BOD1L1: variants seen among roughly 807,000 people sequenced by gnomAD.
BOD1L1 encodes biorientation of chromosomes in cell division 1 like 1.
Under a neutral mutation model 240.7 loss-of-function variants are expected in BOD1L1, and 86 were observed. That is an observed-to-expected ratio of 0.36 (90% CI 0.30 to 0.43). BOD1L1 has a LOEUF of 0.43. Ranked by LOEUF, BOD1L1 falls within the 20% of genes least tolerant of loss-of-function variation. BOD1L1 has a pLI of 1.00. For synonymous variants in BOD1L1, 1,268 were observed against 1,272.3 expected, an observed-to-expected ratio of 1.00 and a Z score of 0.07; for missense variants, 3,554 against 3,643.5, an observed-to-expected ratio of 0.98 and a Z score of 0.63.
chr4:13,615,347 T>C lies in BOD1L1; in HGVS notation c.524A>G (p.Asp175Gly). 1 of 1,613,140 alleles carries C rather than the reference T, an allele frequency of 6.2e-7. No homozygotes were observed. Among genetic ancestry groups the C allele is most frequent in the Non-Finnish European group, 8.5e-7 (1 of 1,179,494 alleles). ...KEEGSGNTAPDDEKPDTSLIT... is the reference protein window; with the variant it reads ...KEEGSGNTAPGDEKPDTSLIT... ...AAGGGAAGTGTCTGGTTTCTCATCA[T>C]CGGGAGCTGTGTTGCCACTTCCTTC... is the stretch of plus-strand genomic sequence containing the variant. The change falls in exon 3 of 26, where the codon GAT becomes GGT. Residue 175 changes from aspartate (D) to glycine (G), a missense_variant. Asp to Gly is a moderately conservative substitution (Grantham distance 94). Transcript: ENST00000040738.
rs1335347251 is a variant in BOD1L1, at chr4:13,587,730, C to CTTTCTT, written c.8316_8321dup (p.Arg2773_Lys2774dup). On this transcript the variant is annotated inframe_insertion, in exon 16 of 26. Coordinates refer to ENST00000040738, the MANE Select transcript of BOD1L1 (RefSeq NM_148894.3). Reference sequence around the variant, plus strand: ...CATCTTCTGAAGAGAGATAATGCTGCTTTCTTTTTCTTTTAGGCATATGCC... The same window carrying CTTTCTT: ...CATCTTCTGAAGAGAGATAATGCTGCTTTCTTTTTCTTTTTCTTTTAGGCATATGCC... 6.4e-7 allele frequency: 1 copy of CTTTCTT among 1,559,928 alleles called. No homozygotes were observed. The highest frequency in any genetic ancestry group is 1.9e-5 in the Admixed American group (1 of 52,150).
intron 1 of BOD1L1, 84 bp from the exon 2 acceptor site, chr4:13,620,151 C>T: frequency 7.3e-7 from 1 of 1,369,622 alleles, no homozygotes; most frequent in Non-Finnish European, 9.7e-7. Context: ...TACCATGGGA[C>T]AACAAAGTTT....
At chr4:13,605,401 T>C (rs994578755) in intron 9 of BOD1L1, among the ~76,000 whole-genome samples, 1 of 152,176 alleles carries the variant, frequency 6.6e-6, no homozygotes, top group African/African-American at 2.4e-5. Context: ...TATCACAAAA[T>C]AAAGTTAAAT....
intron 25 of BOD1L1, 146 bp downstream of exon 25, chr4:13,576,692 C>T (rs995475829): frequency 1.7e-5 from 18 of 1,035,744 alleles, no homozygotes; most frequent in African/African-American, 1.3e-4. Flanking sequence ...GAACTATGTG[C>T]CCACTGCTAA....
chr4:13,625,213 G>C (rs546386589), intron 1 of BOD1L1: 1 of 152,188 alleles, frequency 6.6e-6, no homozygotes, highest in Non-Finnish European at 1.5e-5. Context: ...TCAAAAAAGA[G>C]GCTAAGAACA....
intron 18 of BOD1L1, 81 bp downstream of exon 18, chr4:13,582,571 G>A (rs1713319463): frequency 1.9e-6 from 2 of 1,065,784 alleles, no homozygotes; most frequent in Non-Finnish European, 2.8e-6. Flanking sequence ...AAGTAAATGA[G>A]CAAAATAGAC....
rs1158567532 is a variant in BOD1L1, at chr4:13,569,405, C to T, written c.*606G>A. On this transcript the variant is annotated 3_prime_UTR_variant, in exon 26 of 26. Transcript: ENST00000040738. ...GAAGAACCTTTCTTTAGCTAAACTA[C>T]TTTACTTGGATACATGCGAGTTTCT... 1 of 152,118 alleles carries T rather than the reference C, an allele frequency of 6.6e-6. No individual in the cohort carries two copies. The highest frequency in any genetic ancestry group is 1.5e-5 in the Non-Finnish European group (1 of 68,026). The allele number at this position is 152,118 out of a possible 1,614,324, so 9.4% of individuals were successfully genotyped here.
chr4:13,614,507 T>C lies in BOD1L1; in HGVS notation c.863A>G (p.Glu288Gly), dbSNP rs1716422366. 2.5e-6 allele frequency: 4 copies of C among 1,613,960 alleles called. No individual in the cohort carries two copies. Among genetic ancestry groups the C allele is most frequent in the East Asian group, 4.5e-5 (2 of 44,894 alleles). Reference sequence around the variant, plus strand: ...CTCTTTTGTGTAATTTTTAATTTCTTCGACTGGACAGGGGAGGTCGCTGAA... The same window carrying C: ...CTCTTTTGTGTAATTTTTAATTTCTCCGACTGGACAGGGGAGGTCGCTGAA... ...EEFSDLPCPV[E>G]EIKNYTKEHN... Residue 288 changes from glutamate to glycine, a missense_variant, in exon 4 of 26, where the codon GAA (glutamate) becomes GGA (glycine). Physicochemically the swap from Glu to Gly is moderately conservative, Grantham distance 98. Coordinates refer to ENST00000040738, the MANE Select transcript of BOD1L1 (RefSeq NM_148894.3).
chr4:13,600,903 A>C lies in BOD1L1; in HGVS notation c.5997T>G (p.Ile1999Met). The change falls in exon 10 of 26, where the codon ATT becomes ATG. Residue 1999 changes from isoleucine to methionine, a missense_variant. Around this residue, in one of 2 missense-constraint regions of BOD1L1, gnomAD observed 3,393 missense variants for 3,427.1 expected, o/e 0.99. Transcript: ENST00000040738. ...AACTACCCCCGACCAGGCCAGTGGAAATAGTGGTATCTTCAACTTTTTCGA... is the reference window on the plus strand; with the variant it reads ...AACTACCCCCGACCAGGCCAGTGGACATAGTGGTATCTTCAACTTTTTCGA... Reference protein sequence around the residue: ...SQLEKVEDTTISTGLVGGSYD... With the variant: ...SQLEKVEDTTMSTGLVGGSYD... The C allele has an allele frequency of 6.2e-7, 1 of 1,613,968 alleles. No homozygotes were observed. Among genetic ancestry groups the C allele is most frequent in the South Asian group, 1.1e-5 (1 of 91,080 alleles).
chr4:13,590,929 A>G (rs931856183), intron 13 of BOD1L1, among the ~76,000 whole-genome samples: 1 of 152,150 alleles, frequency 6.6e-6, no homozygotes, highest in Non-Finnish European at 1.5e-5. Flanking sequence ...CAAATTTGGA[A>G]AGGACATTTA....
Position 13,570,093 on chromosome 4 carries a change from T to C in BOD1L1, c.9074A>G (p.Lys3025Arg), listed in dbSNP as rs866301545. ...GGCCCCAGGAGGGCTGACTTCTCTC[T>C]TGCGCTTGATAGAAGGGGAGAGCTG... ...KTQLSPSIKR[K>R]REVSPPGART... Residue 3025 changes from lysine to arginine, a missense_variant, in exon 26 of 26, where the codon AAG (lysine) becomes AGG (arginine). Around this residue, in one of 2 missense-constraint regions of BOD1L1, gnomAD observed 3,393 missense variants for 3,427.1 expected, o/e 0.99. Transcript: ENST00000040738. 1.9e-6 allele frequency: 3 copies of C among 1,604,418 alleles called. No individual in the cohort carries two copies. Among genetic ancestry groups the C allele is most frequent in the Admixed American group, 3.4e-5 (2 of 58,048 alleles).
In BOD1L1 at chr4:13,604,238, T is replaced by G; in HGVS notation, c.2662A>C (p.Lys888Gln). 1 of 1,613,700 alleles carries G rather than the reference T, an allele frequency of 6.2e-7. No homozygotes were observed. Among genetic ancestry groups the G allele is most frequent in the Non-Finnish European group, 8.5e-7 (1 of 1,179,818 alleles). Residue 888 changes from lysine (K) to glutamine (Q), a missense_variant, in exon 10 of 26, where the codon AAA (lysine) becomes CAA (glutamine). This residue lies in a region of BOD1L1 where 3,393 missense variants were observed against 3,427.1 expected (regional missense o/e 0.99). Transcript: ENST00000040738. ...TCCTTGTGAACAACCTCTTCTGGTTTCAAATTACTATCCATGTTAGTGGAG... is the reference window on the plus strand; with the variant it reads ...TCCTTGTGAACAACCTCTTCTGGTTGCAAATTACTATCCATGTTAGTGGAG... ...MDSTNMDSNLKPEEVVHKEKR... is the reference protein window; with the variant it reads ...MDSTNMDSNLQPEEVVHKEKR...
At position 13,603,704 on chromosome 4, in the gene BOD1L1, A is replaced by G. The variant is rs1431274036; in HGVS notation, c.3196T>C (p.Leu1066=). 6.2e-7 allele frequency: 1 copy of G among 1,613,716 alleles called. No homozygotes were observed. Among genetic ancestry groups the G allele is most frequent in the Non-Finnish European group, 8.5e-7 (1 of 1,179,860 alleles). Residue 1066 remains leucine, a synonymous_variant, in exon 10 of 26, where the codon TTA becomes CTA. Coordinates refer to ENST00000040738, the MANE Select transcript of BOD1L1 (RefSeq NM_148894.3). ...RGNSSLMEKK[L]SRRLCENRRG... Reference sequence around the variant, plus strand: ...CGATTTTCGCACAACCTTCTACTTAATTTCTTTTCCATGAGTGAACTATTA... The same window carrying G: ...CGATTTTCGCACAACCTTCTACTTAGTTTCTTTTCCATGAGTGAACTATTA...
chr4:13,583,647 A>G (rs1350144404), intron 17 of BOD1L1, among the ~76,000 whole-genome samples: 3 of 152,196 alleles, frequency 2.0e-5, no homozygotes, highest in East Asian at 3.8e-4. Flanking sequence ...TTACCTAACA[A>G]TGAGGATGAC....
intron 15 of BOD1L1, 68 bp downstream of exon 15, chr4:13,588,654 G>T: frequency 8.6e-7 from 1 of 1,159,082 alleles, no homozygotes; most frequent in Non-Finnish European, 1.2e-6. Context: ...CCTTTCTAAA[G>T]CCCTTCTTTG....
At chr4:13,615,269 A>G in intron 3 of BOD1L1, 43 bp downstream of exon 3, 1 of 1,493,604 alleles carries the variant, frequency 6.7e-7, no homozygotes. Flanking sequence ...ATTCAGTTCA[A>G]GAAGAAAAAC....
chr4:13,573,817 C>T (rs1179438030), intron 25 of BOD1L1, among the ~76,000 whole-genome samples: 1 of 152,118 alleles, frequency 6.6e-6, no homozygotes, highest in Non-Finnish European at 1.5e-5. Context: ...AGCCACTGTG[C>T]GTGGCCTCTT....
rs115119545 is a variant in BOD1L1 at position 13,611,463 on chromosome 4, C to T, written c.1325-363G>A. The stretch of plus-strand genomic sequence containing the variant: ...TCGCAACACCAGCAGTGTGCTTTCA[C>T]AGGCTGAACACAAAAGCAGAGGAGA... On this transcript the variant is annotated intron_variant, in intron 5 of 25. Transcript: ENST00000040738. 1.9e-3 allele frequency among the ~76,000 whole-genome samples: 282 copies of T among 152,328 alleles called. 1 individual carries two copies. Among genetic ancestry groups the T allele is most frequent in the African/African-American group, 6.3e-3 (260 of 41,578 alleles).
At chr4:13,589,502 T>C (rs1002860546) in intron 14 of BOD1L1, among the ~76,000 whole-genome samples, 3 of 152,216 alleles carry the variant, frequency 2.0e-5, no homozygotes, top group Non-Finnish European at 4.4e-5. Context: ...CTTAGAACGC[T>C]GCTGAATGAG....
Sources: gnomAD v4.1 joint callset for allele counts (sites outside exome capture counted in the v4.1 genomes callset) on GRCh38, gnomAD v4.1.1 for gene constraint, gnomAD v4.1.1 regional missense constraint, MANE v1.5 for transcripts, NCBI Gene and HGNC (gene_info 2026-07-23, HGNC 2026-07-21) for gene names.